ZBBX: variants seen among roughly 807,000 people sequenced by gnomAD.
The protein encoded by ZBBX is zinc finger B-box domain containing.
In ZBBX, 101 loss-of-function variants were observed where a neutral mutation model predicts 108.5. The observed-to-expected ratio is 0.93, with a 90% CI of 0.79 to 1.10. The LOEUF (loss-of-function observed/expected upper bound fraction) is 1.10, where lower values mean the gene tolerates loss of function less well. Ranked by LOEUF, ZBBX falls within the 50% of genes least tolerant of loss-of-function variation. The pLI, the probability that ZBBX is intolerant of heterozygous loss-of-function variation, is 0.00. For missense variants in ZBBX, 1,009 were observed against 941.4 expected, an observed-to-expected ratio of 1.07 and a Z score of -0.94; for synonymous variants, 356 against 323.4, an observed-to-expected ratio of 1.10 and a Z score of -1.08.
At chr3:167,207,981 G>A in the ZBBX span, among the ~76,000 whole-genome samples, 1 of 152,118 alleles carries the variant, frequency 6.6e-6, no homozygotes, top group Admixed American at 6.5e-5. Flanking sequence ...TGGCCTCATG[G>A]CACTGAGAAT....
the ZBBX span, among the ~76,000 whole-genome samples, chr3:167,187,161 TTATAA>T: frequency 4.6e-5 from 7 of 152,148 alleles, no homozygotes; most frequent in Admixed American, 3.3e-4. Context: ...TCTCCTATCA[TTATAA>T]TATATAAGAT....
chr3:167,194,946 G>A, the ZBBX span, among the ~76,000 whole-genome samples: 1 of 152,144 alleles, frequency 6.6e-6, no homozygotes, highest in Non-Finnish European at 1.5e-5. Flanking sequence ...ACAAGGACCA[G>A]AAGCACTGAG....
At chr3:167,371,117 C>T (rs1005121205) in intron 4 of ZBBX, among the ~76,000 whole-genome samples, 6 of 152,104 alleles carry the variant, frequency 3.9e-5, no homozygotes, top group African/African-American at 1.4e-4. Flanking sequence ...AGTGGGTATT[C>T]CTGTCCTGGT....
chr3:167,226,982 T>C, the ZBBX span, among the ~76,000 whole-genome samples: 1 of 151,774 alleles, frequency 6.6e-6, no homozygotes, highest in Non-Finnish European at 1.5e-5. Flanking sequence ...CAACAATGGA[T>C]ATATGATATG....
At chr3:167,251,733 G>A (rs1414586216) in intron 20 of ZBBX, among the ~76,000 whole-genome samples, 1 of 151,958 alleles carries the variant, frequency 6.6e-6, no homozygotes, top group Non-Finnish European at 1.5e-5. Flanking sequence ...TATTAGATAG[G>A]TTCTATTATT....
the ZBBX span, among the ~76,000 whole-genome samples, chr3:167,181,371 T>A: frequency 1.3e-5 from 2 of 152,196 alleles, no homozygotes; most frequent in Non-Finnish European, 2.9e-5. Flanking sequence ...TCCCAGGTTG[T>A]CCATCAGGCC....
intron 3 of ZBBX, among the ~76,000 whole-genome samples, chr3:167,373,176 A>C (rs1273118256): frequency 6.6e-6 from 1 of 152,170 alleles, no homozygotes; most frequent in Admixed American, 6.5e-5. Flanking sequence ...AAAAAGTACA[A>C]CTATTTACAT....
At chr3:167,266,515 G>T (rs1168307220) in intron 20 of ZBBX, among the ~76,000 whole-genome samples, 2 of 152,068 alleles carry the variant, frequency 1.3e-5, no homozygotes, top group African/African-American at 4.8e-5. Context: ...CGTCTCACAA[G>T]CTCCACCACT....
rs542856838 is a variant in ZBBX, at chr3:167,254,054, G to A, written c.2255-11411C>T. 8.5e-5 allele frequency among the ~76,000 whole-genome samples: 13 copies of A among 152,216 alleles called. 1 individual carries two copies. The South Asian group carries it at 2.7e-3, about 32-fold the overall frequency. On this transcript the variant is annotated intron_variant, in intron 20 of 21. Coordinates refer to ENST00000675490, the MANE Select transcript of ZBBX (RefSeq NM_001199201.2). The stretch of plus-strand genomic sequence containing the variant: ...AAAACAAGCTGTAACAAACATCAAT[G>A]GGGTAGTTTTAAAAAACTAAATATG...
chr3:167,270,982 C>T (rs932509559), intron 20 of ZBBX, among the ~76,000 whole-genome samples: 4 of 152,154 alleles, frequency 2.6e-5, no homozygotes, highest in African/African-American at 9.7e-5. Context: ...TAGATGGTTC[C>T]TCCTGGGTGA....
chr3:167,384,431 T>C (rs1213829284), upstream of ZBBX, among the ~76,000 whole-genome samples: 1 of 152,028 alleles, frequency 6.6e-6, no homozygotes, highest in Non-Finnish European at 1.5e-5. Flanking sequence ...TAACCAGCCG[T>C]GGAAGAGCAA....
chr3:167,337,488 C>G (rs928034914), intron 9 of ZBBX, among the ~76,000 whole-genome samples: 9 of 151,986 alleles, frequency 5.9e-5, no homozygotes, highest in Non-Finnish European at 7.4e-5. Context: ...CACTGCACTC[C>G]ATCCTGGGTG....
chr3:167,300,602 A>T (rs10936528), intron 17 of ZBBX, among the ~76,000 whole-genome samples: 2 of 149,748 alleles, frequency 1.3e-5, no homozygotes, highest in Non-Finnish European at 3.0e-5. Context: ...CATCTCCCCC[A>T]CCAACCCTTT....
Position 167,372,160 on chromosome 3 carries a change from G to A in ZBBX, c.68+674C>T, listed in dbSNP as rs953378086. Among the ~76,000 whole-genome samples, 4 of 152,050 alleles carry A rather than the reference G, an allele frequency of 2.6e-5. 1 individual carries two copies. Among genetic ancestry groups the A allele is most frequent in the South Asian group, 4.1e-4 (2 of 4,824 alleles). On this transcript the variant is annotated intron_variant, in intron 4 of 21. Coordinates refer to ENST00000675490, the MANE Select transcript of ZBBX (RefSeq NM_001199201.2). ...CGGGAGGTGGAGGTTGCAGTGAGCC[G>A]AGACCGTGCCAGTGCACTCCAGCCT...
intron 20 of ZBBX, among the ~76,000 whole-genome samples, chr3:167,257,197 T>G (rs894228251): frequency 3.9e-5 from 6 of 152,122 alleles, no homozygotes; most frequent in African/African-American, 1.4e-4. Context: ...ATTAGTTTTT[T>G]ATTTCTTTTT....
chr3:167,302,779 G>C (rs1179158402), intron 17 of ZBBX, among the ~76,000 whole-genome samples: 1 of 152,058 alleles, frequency 6.6e-6, no homozygotes, highest in African/African-American at 2.4e-5. Flanking sequence ...CCAATTCCCA[G>C]AACCCAGTTT....
chr3:167,298,054 T>C (rs1248471550), intron 18 of ZBBX, among the ~76,000 whole-genome samples: 2 of 152,076 alleles, frequency 1.3e-5, no homozygotes, highest in Non-Finnish European at 2.9e-5. Flanking sequence ...GCCTTGGTTA[T>C]TCCTTTACAG....
chr3:167,359,037 A>G (rs1744088065), intron 8 of ZBBX, among the ~76,000 whole-genome samples: 2 of 152,026 alleles, frequency 1.3e-5, no homozygotes, highest in Admixed American at 1.3e-4. Flanking sequence ...TAAACATAAT[A>G]GCAAAAATAT....
chr3:167,254,640 T>C (rs963304396), intron 20 of ZBBX, among the ~76,000 whole-genome samples: 4 of 151,942 alleles, frequency 2.6e-5, no homozygotes, highest in African/African-American at 7.3e-5. Flanking sequence ...ATAAAGAAAA[T>C]AGGTTTCTCA....
Sources: gnomAD v4.1 joint callset for allele counts (sites outside exome capture counted in the v4.1 genomes callset) on GRCh38, gnomAD v4.1.1 for gene constraint, MANE v1.5 for transcripts, NCBI Gene and HGNC (gene_info 2026-07-23, HGNC 2026-07-21) for gene names.